Variants in NRP2 observed in about 807,000 individuals in gnomAD.
NRP2 encodes the protein neuropilin 2, also known as neuropilin-2.
In NRP2, 52 loss-of-function variants were observed where a neutral mutation model predicts 110.4. That is an observed-to-expected ratio of 0.47 (90% CI 0.38 to 0.59). NRP2 has a LOEUF of 0.59. Ranked by LOEUF, NRP2 falls within the 20% of genes least tolerant of loss-of-function variation. The pLI, the probability that NRP2 is intolerant of heterozygous loss-of-function variation, is 0.00. For synonymous variants in NRP2, 508 were observed against 468.9 expected, an observed-to-expected ratio of 1.08 and a Z score of -1.08; for missense variants, 1,049 against 1,203.0, an observed-to-expected ratio of 0.87 and a Z score of 1.89.
intron 1 of NRP2, among the ~76,000 whole-genome samples, chr2:205,694,604 C>T (rs1167078587): frequency 6.6e-6 from 1 of 152,194 alleles, no homozygotes; most frequent in Non-Finnish European, 1.5e-5. Flanking sequence ...GGGTTTTGCC[C>T]TTGAGTTCAA....
chr2:205,796,727 T>C lies in NRP2; in HGVS notation c.*1669T>C, dbSNP rs1475235405. The C allele has an allele frequency of 6.6e-6, 1 of 152,608 alleles. No homozygotes were observed. Among genetic ancestry groups the C allele is most frequent in the Non-Finnish European group, 1.5e-5 (1 of 68,036 alleles). The allele number at this position is 152,608 out of a possible 1,614,324, so 9.5% of individuals were successfully genotyped here. On this transcript the variant is annotated 3_prime_UTR_variant, in exon 17 of 17. Transcript: ENST00000357785. ...GAATAGAATGAAACTGTGTGAAGGA[T>C]AAGATTGTTCGCATCAAGATCCAAA...
intron 7 of NRP2, among the ~76,000 whole-genome samples, chr2:205,729,375 C>T (rs1268721448): frequency 6.6e-6 from 1 of 152,336 alleles, no homozygotes; most frequent in East Asian, 1.9e-4. Context: ...GGTCTGGTTT[C>T]CCACTGACTT....
chr2:205,791,644 T>C (rs1158371083), intron 15 of NRP2, among the ~76,000 whole-genome samples: 2 of 152,180 alleles, frequency 1.3e-5, no homozygotes, highest in Non-Finnish European at 2.9e-5. Flanking sequence ...CGAAGAAAGC[T>C]AATAGGAAAA....
chr2:205,741,542 G>A (rs555240266), intron 8 of NRP2, among the ~76,000 whole-genome samples: 1 of 152,234 alleles, frequency 6.6e-6, no homozygotes, highest in Non-Finnish European at 1.5e-5. Context: ...AGGAGGCAAT[G>A]CAGGGGGTGC....
chr2:205,708,483 A>C (rs1487005339), intron 2 of NRP2, among the ~76,000 whole-genome samples: 1 of 152,164 alleles, frequency 6.6e-6, no homozygotes, highest in Non-Finnish European at 1.5e-5. Flanking sequence ...ATTCTCTGAA[A>C]GTTCACCTTC....
At chr2:205,751,843 A>T (rs1358200409) in intron 11 of NRP2, among the ~76,000 whole-genome samples, 1 of 152,164 alleles carries the variant, frequency 6.6e-6, no homozygotes, top group Non-Finnish European at 1.5e-5. Context: ...CCTGCTACCA[A>T]CATTAGCCAA....
rs1472971105 is a variant in NRP2 at position 205,725,505 on chromosome 2, C to T, written c.821-408C>T. On this transcript the variant is annotated intron_variant, in intron 5 of 16. Coordinates refer to ENST00000357785, the MANE Select transcript of NRP2 (RefSeq NM_003872.3). The surrounding 1 kb of genome is among the most constrained non-coding windows in gnomAD (Gnocchi z 4.1). ...AAAAAGAAAGAAGCAAAAGTGCCTC[C>T]TGGGTGTTTATTAATAAAGCAGGCT... is the stretch of plus-strand genomic sequence containing the variant. Among the ~76,000 whole-genome samples, 2 of 152,142 alleles carry T rather than the reference C, an allele frequency of 1.3e-5. No individual in the cohort carries two copies. Among genetic ancestry groups the T allele is most frequent in the Non-Finnish European group, 2.9e-5 (2 of 68,026 alleles).
chr2:205,783,877 G>A (rs1031894434), intron 15 of NRP2, among the ~76,000 whole-genome samples: 1 of 152,186 alleles, frequency 6.6e-6, no homozygotes, highest in Admixed American at 6.5e-5. Flanking sequence ...GGTCCAGTGT[G>A]TGCTTTCCCT....
intron 2 of NRP2, among the ~76,000 whole-genome samples, chr2:205,705,110 GC>G (rs2056647092): frequency 6.6e-6 from 1 of 151,258 alleles, no homozygotes; most frequent in Non-Finnish European, 1.5e-5. Flanking sequence ...AGGGATTTAA[GC>G]CTTTGGATTA....
chr2:205,743,522 C>T lies in NRP2; in HGVS notation c.1611C>T (p.Tyr537=). Residue 537 remains tyrosine (Y), a synonymous_variant, in exon 9 of 17, where the codon TAC becomes TAT. Transcript: ENST00000357785. ...GCCTAAACGGCAAGGACTGGGAATACATTCAGGACCCCAGGACCCAGCAGC... is the reference window on the plus strand; with the variant it reads ...GCCTAAACGGCAAGGACTGGGAATATATTCAGGACCCCAGGACCCAGCAGC... ...SYSLNGKDWE[Y]IQDPRTQQPK... is the part of the protein sequence containing the mutation. 6.2e-6 allele frequency: 10 copies of T among 1,614,218 alleles called. No homozygotes were observed. Among genetic ancestry groups the T allele is most frequent in the East Asian group, 2.2e-5 (1 of 44,874 alleles).
At chr2:205,704,618 A>G (rs1475571828) in intron 2 of NRP2, among the ~76,000 whole-genome samples, 2 of 152,216 alleles carry the variant, frequency 1.3e-5, no homozygotes, top group Non-Finnish European at 2.9e-5. Context: ...TCAGGGGGAA[A>G]AACAACTCAC....
At chr2:205,761,082 G>C in intron 12 of NRP2, among the ~76,000 whole-genome samples, 1 of 152,196 alleles carries the variant, frequency 6.6e-6, no homozygotes, top group East Asian at 1.9e-4. Context: ...CATTACTGGT[G>C]CACCTCACCT....
At chr2:205,703,951 C>T (rs2056616653) in intron 2 of NRP2, among the ~76,000 whole-genome samples, 1 of 152,150 alleles carries the variant, frequency 6.6e-6, no homozygotes, top group South Asian at 2.1e-4. Context: ...CCTGGCCAGA[C>T]AACTTCCACC....
Position 205,743,810 on chromosome 2 carries a change from C to T in NRP2, c.1641+258C>T, listed in dbSNP as rs532142491. 2.3e-3 allele frequency: 1,351 copies of T among 587,592 alleles called. 35 individuals are homozygous for T. In the South Asian group the frequency reaches 0.03, roughly 13 times the overall value. The allele number at this position is 587,592 out of a possible 1,614,324, so 36.4% of individuals were successfully genotyped here. A position where few individuals can be genotyped will look rare whatever the true frequency, so the allele number is the denominator to read the frequency against. ...CCAGGCTGGAGTGCAGTGGCCTGTT[C>T]TCGGCTCACTGCAACCTCCGCCTCC... On this transcript the variant is annotated intron_variant, in intron 9 of 16. Coordinates refer to ENST00000357785, the MANE Select transcript of NRP2 (RefSeq NM_003872.3).
At chr2:205,758,603 G>A (rs3771012) in intron 12 of NRP2, among the ~76,000 whole-genome samples, 3,772 of 152,252 alleles carry the variant, frequency 0.025, 126 homozygotes, top group East Asian at 0.069. Context: ...TCATTCCCAG[G>A]CGATTGTTTT....
chr2:205,697,676 T>C lies in NRP2; in HGVS notation c.206T>C (p.Val69Ala). Residue 69 changes from valine to alanine, a missense_variant, in exon 2 of 17, where the codon GTC becomes GCC. Physicochemically the swap from Val to Ala is moderately conservative, Grantham distance 64 (BLOSUM62 0). Transcript: ENST00000357785. Reference protein sequence around the residue: ...VYAPEPNQKIVLNFNPHFEIE... With the variant: ...VYAPEPNQKIALNFNPHFEIE... ...GCCCCCGAACCCAACCAGAAGATTG[T>C]CCTCAACTTCAACCCTCACTTTGAA... The C allele has an allele frequency of 6.2e-7, 1 of 1,613,954 alleles. No individual in the cohort carries two copies. Among genetic ancestry groups the C allele is most frequent in the Non-Finnish European group, 8.5e-7 (1 of 1,180,012 alleles).
At position 205,697,740 on chromosome 2, in the gene NRP2, C is replaced by G; in HGVS notation, c.251+19C>G. On this transcript the variant is annotated intron_variant, in intron 2 of 16. Transcript: ENST00000357785. ...ACTGCAAGTAAGCACCGTCCTGTCC[C>G]ACTGTGTATCCCATCCATGAGATGC... The G allele has an allele frequency of 6.2e-7, 1 of 1,612,860 alleles. No homozygotes were observed. Among genetic ancestry groups the G allele is most frequent in the South Asian group, 1.1e-5 (1 of 91,032 alleles).
intron 2 of NRP2, among the ~76,000 whole-genome samples, chr2:205,699,810 T>A (rs1341897834): frequency 2.6e-5 from 4 of 152,196 alleles, no homozygotes; most frequent in African/African-American, 9.6e-5. Flanking sequence ...CTCATGTGTC[T>A]GGTTTGAACC....
intron 10 of NRP2, among the ~76,000 whole-genome samples, chr2:205,746,093 C>CT (rs997233377): frequency 6.6e-6 from 1 of 152,152 alleles, no homozygotes; most frequent in Non-Finnish European, 1.5e-5. Flanking sequence ...TGTACTTTGT[C>CT]TTTTTTAAGG....
Sources: allele counts gnomAD v4.1 joint callset (sites outside exome capture counted in the v4.1 genomes callset), GRCh38; gene constraint gnomAD v4.1.1; non-coding constraint Gnocchi (gnomAD v3.1); transcripts MANE v1.5; gene names NCBI Gene and HGNC (gene_info 2026-07-23, HGNC 2026-07-21).